The following PIGL variants were observed in gnomAD, a reference collection of about 807,000 sequenced individuals.
PIGL encodes N-acetylglucosaminyl-phosphatidylinositol de-N-acetylase.
Under a neutral mutation model 31.1 loss-of-function variants are expected in PIGL, and 22 were observed. The observed-to-expected ratio is 0.71, with a 90% CI of 0.51 to 1.01. PIGL has a LOEUF of 1.01. Ranked by LOEUF, PIGL falls within the 50% of genes least tolerant of loss-of-function variation. The probability of loss-of-function intolerance (pLI) is 0.00; values close to 1 mark genes in which losing one functional copy is unlikely to be tolerated. For synonymous variants in PIGL, 131 were observed against 117.4 expected (o/e 1.12, Z -0.75); for missense variants, 302 against 315.9 (o/e 0.96, Z 0.33).
At chr17:16,300,812 A>AAAAAACATGAG (rs1324307915) in intron 3 of PIGL, among the ~76,000 whole-genome samples, 2 of 152,206 alleles carry the variant, frequency 1.3e-5, no homozygotes, top group African/African-American at 2.4e-5. Flanking sequence ...TCTTCATTCC[A>AAAAAACATGAG]AAAAACATGA....
chr17:16,313,508 G>A, intron 3 of PIGL, 39 bp from the exon 4 acceptor site: 2 of 1,463,288 alleles, frequency 1.4e-6, no homozygotes, highest in Non-Finnish European at 9.6e-7. Flanking sequence ...TTGAGGTGGT[G>A]GAGAAGGCAT....
intron 3 of PIGL, among the ~76,000 whole-genome samples, chr17:16,306,141 G>T (rs1260035624): frequency 6.6e-6 from 1 of 152,030 alleles, no homozygotes; most frequent in Non-Finnish European, 1.5e-5. Flanking sequence ...AGTAGACACG[G>T]GGTTTCACCA....
Position 16,317,062 on chromosome 17 carries a change from A to T in PIGL, c.526+350A>T, listed in dbSNP as rs191167301. 1.6e-5 allele frequency: 18 copies of T among 1,092,424 alleles called. 1 individual carries two copies. The African/African-American group carries it at 2.4e-4, about 15-fold the overall frequency. The allele number at this position is 1,092,424 out of a possible 1,614,324, so 67.7% of individuals were successfully genotyped here. ...GTTGTAAATGACTGCTGGGTGCTTG[A>T]TGAACCAATCTGCCTGAGTTAGGAA... On this transcript the variant is annotated intron_variant, in intron 5 of 6. Coordinates refer to ENST00000225609, the MANE Select transcript of PIGL (RefSeq NM_004278.4).
chr17:16,319,535 G>A (rs2093093848), intron 6 of PIGL, among the ~76,000 whole-genome samples: 1 of 152,082 alleles, frequency 6.6e-6, no homozygotes, highest in Admixed American at 6.6e-5. Flanking sequence ...CAGGCAGATT[G>A]TCTGAGCTCA....
chr17:16,232,107 G>A (rs1182573356), intron 1 of PIGL, among the ~76,000 whole-genome samples: 6 of 151,864 alleles, frequency 4.0e-5, no homozygotes, highest in Non-Finnish European at 8.8e-5. Flanking sequence ...ATGAAATCCC[G>A]TCTCTACTAA....
intron 6 of PIGL, among the ~76,000 whole-genome samples, chr17:16,318,187 A>G (rs2093086738): frequency 6.6e-6 from 1 of 152,208 alleles, no homozygotes; most frequent in South Asian, 2.1e-4. Flanking sequence ...AAAAGCATCA[A>G]AAAGAAAATA....
intron 6 of PIGL, among the ~76,000 whole-genome samples, chr17:16,324,196 C>A (rs1451425159): frequency 6.6e-6 from 1 of 151,120 alleles, no homozygotes; most frequent in African/African-American, 2.4e-5. Flanking sequence ...AACTCCTGAC[C>A]TCAAGTGATC....
chr17:16,318,022 G>A (rs1035063779), intron 6 of PIGL, 114 bp downstream of exon 6: 19 of 840,666 alleles, frequency 2.3e-5, no homozygotes, highest in Non-Finnish European at 3.5e-5. Flanking sequence ...CAGTGGTTCA[G>A]CACCTGTCCC....
At chr17:16,300,247 T>C in intron 3 of PIGL, 1 of 376,616 alleles carries the variant, frequency 2.7e-6, no homozygotes, top group Non-Finnish European at 4.8e-6. Context: ...TGTGTCCTCC[T>C]TAACACCCTC....
chr17:16,310,069 C>A (rs2093042416), intron 3 of PIGL, among the ~76,000 whole-genome samples: 1 of 117,744 alleles, frequency 8.5e-6, no homozygotes, highest in Admixed American at 9.6e-5. Context: ...CAGAGTGAGA[C>A]TCCATCTCAA....
Position 16,220,480 on chromosome 17 carries a change from A to ATTT in PIGL, c.235+3043_235+3045dup, listed in dbSNP as rs745948237. ...TTTATTTGTGTTTTTTTAAATTGTT[A>ATTT]TTTTTTTTTTTTTTTTTTTTTTTTT... On this transcript the variant is annotated intron_variant, in intron 1 of 6. Coordinates refer to ENST00000225609, the MANE Select transcript of PIGL (RefSeq NM_004278.4). 1.4e-4 allele frequency among the ~76,000 whole-genome samples: 8 copies of ATTT among 57,192 alleles called. 1 individual carries two copies. Among genetic ancestry groups the ATTT allele is most frequent in the African/African-American group, 3.5e-4 (7 of 20,002 alleles). The allele number at this position is 57,192 out of a possible 152,430, so 37.5% of individuals were successfully genotyped here.
intron 1 of PIGL, among the ~76,000 whole-genome samples, chr17:16,231,263 C>T (rs1341400245): frequency 2.2e-5 from 3 of 139,448 alleles, no homozygotes; most frequent in African/African-American, 5.4e-5. Context: ...GACACAGGGT[C>T]TCACATTGTC....
chr17:16,250,382 G>A (rs1161486882), intron 2 of PIGL, among the ~76,000 whole-genome samples: 2 of 152,124 alleles, frequency 1.3e-5, no homozygotes, highest in African/African-American at 2.4e-5. Context: ...GTATCCACTG[G>A]GGATCTTGGA....
intron 2 of PIGL, among the ~76,000 whole-genome samples, chr17:16,297,855 C>G (rs1392010066): frequency 6.6e-6 from 1 of 152,132 alleles, no homozygotes; most frequent in Non-Finnish European, 1.5e-5. Context: ...TTCCCAACCC[C>G]CAGGCTGCAG....
intron 4 of PIGL, among the ~76,000 whole-genome samples, chr17:16,315,267 C>T (rs1962958381): frequency 6.6e-6 from 1 of 152,188 alleles, no homozygotes; most frequent in African/African-American, 2.4e-5. Flanking sequence ...CACCAATCTG[C>T]CACAACCTTT....
chr17:16,313,186 G>A (rs1340941565), intron 3 of PIGL, among the ~76,000 whole-genome samples: 3 of 152,138 alleles, frequency 2.0e-5, no homozygotes, highest in Non-Finnish European at 2.9e-5. Context: ...AGTAATTCAG[G>A]CTGTATCTGC....
chr17:16,221,905 C>T (rs2142635921), intron 1 of PIGL, among the ~76,000 whole-genome samples: 1 of 152,216 alleles, frequency 6.6e-6, no homozygotes, highest in Admixed American at 6.5e-5. Flanking sequence ...AGACGTGAGC[C>T]ACCACGCCTG....
chr17:16,217,541 C>A, intron 1 of PIGL, 80 bp downstream of exon 1: 1 of 1,161,110 alleles, frequency 8.6e-7, no homozygotes, highest in Non-Finnish European at 1.3e-6. Flanking sequence ...TCGCCTTCTT[C>A]TCGAAGTTTT....
intron 2 of PIGL, among the ~76,000 whole-genome samples, chr17:16,297,127 C>T (rs896768276): frequency 2.0e-5 from 3 of 152,140 alleles, no homozygotes; most frequent in Non-Finnish European, 2.9e-5. Flanking sequence ...AAAACTTGAA[C>T]GTGTGACCAA....
Sources: gnomAD v4.1 joint callset for allele counts (sites outside exome capture counted in the v4.1 genomes callset) on GRCh38, gnomAD v4.1.1 for gene constraint, MANE v1.5 for transcripts, NCBI Gene and HGNC (gene_info 2026-07-23, HGNC 2026-07-21) for gene names.